TAMM41: variants seen among roughly 807,000 people sequenced by gnomAD.
TAMM41 encodes TAM41 mitochondrial translocator assembly and maintenance homolog, also known as phosphatidate cytidylyltransferase, mitochondrial.
A neutral mutation model predicts 44.1 loss-of-function variants in TAMM41; 36 were observed. That is an observed-to-expected ratio of 0.82 (90% CI 0.63 to 1.08). The LOEUF (loss-of-function observed/expected upper bound fraction) is 1.08, where lower values mean the gene tolerates loss of function less well. Ranked by LOEUF, TAMM41 falls within the 50% of genes least tolerant of loss-of-function variation. The pLI, the probability that TAMM41 is intolerant of heterozygous loss-of-function variation, is 0.00. For synonymous variants in TAMM41, 164 were observed against 153.1 expected (o/e 1.07, Z -0.53); for missense variants, 417 against 404.3 (o/e 1.03, Z -0.27).
the TAMM41 span, among the ~76,000 whole-genome samples, chr3:11,765,289 G>A: frequency 3.7e-4 from 57 of 152,134 alleles, no homozygotes; most frequent in African/African-American, 1.2e-3. Context: ...CGCCATCCTC[G>A]GTATTTCATC....
intron 3 of TAMM41, among the ~76,000 whole-genome samples, chr3:11,832,297 C>T (rs1253809163): frequency 6.8e-6 from 1 of 148,134 alleles, no homozygotes; most frequent in East Asian, 2.0e-4. Context: ...AAAAAAAAAT[C>T]CACAAAGTTC....
intron 3 of TAMM41, among the ~76,000 whole-genome samples, chr3:11,831,068 G>C (rs1465108744): frequency 6.6e-6 from 1 of 152,172 alleles, no homozygotes; most frequent in African/African-American, 2.4e-5. Context: ...CTGCTAGAAA[G>C]ATCAAGTGAG....
chr3:11,766,165 T>A, the TAMM41 span, among the ~76,000 whole-genome samples: 1 of 152,088 alleles, frequency 6.6e-6, no homozygotes, highest in Non-Finnish European at 1.5e-5. Context: ...AATTCTTTTT[T>A]TGTTGTTGGT....
At chr3:11,824,513 C>T (rs536865848) in intron 4 of TAMM41, among the ~76,000 whole-genome samples, 7 of 151,738 alleles carry the variant, frequency 4.6e-5, no homozygotes, top group Admixed American at 2.0e-4. Context: ...AGGTTGGTCT[C>T]GAACTCCTGA....
At chr3:11,796,688 G>C (rs1483400081) in intron 7 of TAMM41, among the ~76,000 whole-genome samples, 1 of 152,054 alleles carries the variant, frequency 6.6e-6, no homozygotes, top group Non-Finnish European at 1.5e-5. Context: ...AGAAATTTTG[G>C]GGAGAAGGAC....
intron 3 of TAMM41, among the ~76,000 whole-genome samples, chr3:11,838,553 T>G (rs1028046910): frequency 5.9e-5 from 9 of 152,162 alleles, no homozygotes; most frequent in African/African-American, 2.2e-4. Context: ...TTGGTTATTA[T>G]GAAGGACACA....
chr3:11,801,526 A>T (rs1575613922), intron 7 of TAMM41, among the ~76,000 whole-genome samples: 1 of 152,180 alleles, frequency 6.6e-6, no homozygotes, highest in Middle Eastern at 3.4e-3. Context: ...GGGTTTTTCC[A>T]CGTTGCCCAG....
At chr3:11,807,634 CA>C (rs1487719372) in intron 7 of TAMM41, 198 bp downstream of exon 7, 1 of 1,536,120 alleles carries the variant, frequency 6.5e-7, no homozygotes, top group African/African-American at 1.4e-5. Flanking sequence ...ACAGCACTGC[CA>C]ATGGTCTGAC....
At chr3:11,787,004 A>T (rs1421082463), downstream of TAMM41, among the ~76,000 whole-genome samples, 3 of 152,168 alleles carry the variant, frequency 2.0e-5, no homozygotes, top group African/African-American at 4.8e-5. Context: ...GTTCTGTCAT[A>T]GTCACAGTGG....
At chr3:11,822,810 C>G (rs891119381) in intron 4 of TAMM41, among the ~76,000 whole-genome samples, 19 of 152,082 alleles carry the variant, frequency 1.2e-4, no homozygotes. Context: ...GTGCTGTTTC[C>G]ACTTTTGGGC....
At chr3:11,840,606 C>A (rs1187952448) in intron 2 of TAMM41, among the ~76,000 whole-genome samples, 1 of 151,822 alleles carries the variant, frequency 6.6e-6, no homozygotes, top group African/African-American at 2.4e-5. Context: ...CAGGAAGAAC[C>A]CACCAGGCAA....
In TAMM41 at chr3:11,817,336, AC is replaced by A; in HGVS notation, c.563del (p.Gly188ValfsTer15). 5 of 1,607,082 alleles carry A rather than the reference AC, an allele frequency of 3.1e-6. No individual in the cohort carries two copies. Among genetic ancestry groups the A allele is most frequent in the Non-Finnish European group, 4.3e-6 (5 of 1,174,384 alleles). The part of the protein sequence containing the change: ...FIEIAGLSYS[G>X]DFRMVVGEDK... ...CTTCTCCAACCACCATCCGAAAGTCACCTAGTTAAAACAAAGAGATAAACAC... is the reference window on the plus strand; with the variant it reads ...CTTCTCCAACCACCATCCGAAAGTCACTAGTTAAAACAAAGAGATAAACAC... On this transcript the variant is annotated frameshift_variant and splice_region_variant, in exon 5 of 8. Transcript: ENST00000455809. LOFTEE classifies it high-confidence loss of function.
chr3:11,786,368 G>A (rs952012341), downstream of TAMM41, among the ~76,000 whole-genome samples: 1 of 150,540 alleles, frequency 6.6e-6, no homozygotes, highest in East Asian at 1.9e-4. Flanking sequence ...ACAGTGGCAC[G>A]ATCTTGGCTC....
chr3:11,762,748 C>T, the TAMM41 span, among the ~76,000 whole-genome samples: 1 of 152,196 alleles, frequency 6.6e-6, no homozygotes, highest in African/African-American at 2.4e-5. Context: ...CTGACCCTTT[C>T]TGTACAACCT....
intron 4 of TAMM41, among the ~76,000 whole-genome samples, chr3:11,828,661 G>A (rs1323964026): frequency 6.6e-6 from 1 of 152,196 alleles, no homozygotes; most frequent in Non-Finnish European, 1.5e-5. Context: ...TGGAAGGCAG[G>A]GAGGCTGCCA....
At chr3:11,766,123 A>G in the TAMM41 span, among the ~76,000 whole-genome samples, 1 of 152,206 alleles carries the variant, frequency 6.6e-6, no homozygotes, top group African/African-American at 2.4e-5. Flanking sequence ...TAGCAACATC[A>G]TTTAAAGAAT....
chr3:11,793,155 C>T (rs974923224), intron 7 of TAMM41, among the ~76,000 whole-genome samples: 16 of 151,646 alleles, frequency 1.1e-4, no homozygotes, highest in African/African-American at 2.7e-4. Flanking sequence ...AGTTGTGCCC[C>T]GACTACAGAG....
intron 4 of TAMM41, among the ~76,000 whole-genome samples, chr3:11,829,367 A>T (rs185823553): frequency 1.3e-3 from 193 of 152,334 alleles, no homozygotes; most frequent in African/African-American, 4.5e-3. Flanking sequence ...TGATACAGAA[A>T]CAATGAGAAA....
At chr3:11,769,334 T>A in the TAMM41 span, among the ~76,000 whole-genome samples, 79 of 151,396 alleles carry the variant, frequency 5.2e-4, no homozygotes, top group Non-Finnish European at 7.5e-4. Flanking sequence ...AAATAATCCA[T>A]CTGCCTTGGC....
Sources: allele counts gnomAD v4.1 joint callset (sites outside exome capture counted in the v4.1 genomes callset), GRCh38; gene constraint gnomAD v4.1.1; transcripts MANE v1.5; gene names NCBI Gene and HGNC (gene_info 2026-07-23, HGNC 2026-07-21).